The following PPP1R42 variants were observed in gnomAD, a reference collection of about 807,000 sequenced individuals.
PPP1R42 encodes the protein protein phosphatase 1 regulatory subunit 42, also known as leucine rich repeat containing 67.
Under a neutral mutation model 31.0 loss-of-function variants are expected in PPP1R42, and 34 were observed. That is an observed-to-expected ratio of 1.10 (90% CI 0.83 to 1.46). PPP1R42 has a LOEUF of 1.46. Ranked by LOEUF, PPP1R42 falls within the 40% of genes most tolerant of loss-of-function variation. The probability of loss-of-function intolerance (pLI) is 0.00; values close to 1 mark genes in which losing one functional copy is unlikely to be tolerated. For synonymous variants in PPP1R42, 103 were observed against 109.8 expected (o/e 0.94, Z 0.39); for missense variants, 268 against 303.0 (o/e 0.88, Z 0.86).
intron 2 of PPP1R42, among the ~76,000 whole-genome samples, chr8:67,017,179 A>G (rs759167805): frequency 1.3e-5 from 2 of 152,196 alleles, no homozygotes; most frequent in Non-Finnish European, 2.9e-5. Flanking sequence ...ACTGATAAAA[A>G]TAAGTTAAAT....
intron 6 of PPP1R42, chr8:66,984,929 G>C: frequency 4.6e-6 from 7 of 1,523,656 alleles, no homozygotes; most frequent in Non-Finnish European, 6.4e-6. Flanking sequence ...AAAGTAACTG[G>C]TGTGTCATTG....
chr8:66,964,324 A>T lies in PPP1R42; in HGVS notation c.813T>A (p.Leu271=). The T allele has an allele frequency of 7.9e-7, 1 of 1,273,110 alleles. No homozygotes were observed. The allele number at this position is 1,273,110 out of a possible 1,614,324, so 78.9% of individuals were successfully genotyped here. ...GTCAGCAAGCTTTCAGATTGCTTCA[A>T]AGAGAGATTCCTGTATTTATAGAGA... ...DASNSLIRIS[L] Residue 271 remains leucine (L), a synonymous_variant, in exon 8 of 8, where the codon CTT becomes CTA. Coordinates refer to ENST00000685739, the MANE Select transcript of PPP1R42 (RefSeq NM_001364910.1).
chr8:66,977,037 CTTT>C (rs758342244), intron 7 of PPP1R42, among the ~76,000 whole-genome samples: 3 of 132,848 alleles, frequency 2.3e-5, no homozygotes, highest in Non-Finnish European at 3.3e-5. Flanking sequence ...TTTTGTTTTG[CTTT>C]TTTTTTTTTT....
chr8:66,983,373 T>TA, intron 6 of PPP1R42, among the ~76,000 whole-genome samples: 1 of 152,266 alleles, frequency 6.6e-6, no homozygotes, highest in Non-Finnish European at 1.5e-5. Flanking sequence ...AACAATTCCC[T>TA]TATTATAGGA....
intron 1 of PPP1R42, 125 bp downstream of exon 1, chr8:67,028,366 A>G (rs534811130): frequency 5.7e-4 from 226 of 397,366 alleles, no homozygotes; most frequent in African/African-American, 4.8e-3. Context: ...CTGTATGTCT[A>G]AAGATAGGGC....
chr8:67,014,482 T>C lies in PPP1R42; in HGVS notation c.240A>G (p.Gln80=), dbSNP rs778681296. Reference sequence around the variant, plus strand: ...TCTCTATACATGAAATACAATTGTTTTGTAGGTACAAGTGGGTCAGATTTG... The same window carrying C: ...TCTCTATACATGAAATACAATTGTTCTGTAGGTACAAGTGGGTCAGATTTG... The part of the protein sequence containing the change: ...YATNLTHLYL[Q]NNCISCIENL... Residue 80 remains glutamine (Q), a synonymous_variant, in exon 3 of 8, where the codon CAA becomes CAG. Transcript: ENST00000685739. 9 of 1,593,204 alleles carry C rather than the reference T, an allele frequency of 5.6e-6. No homozygotes were observed. The highest frequency in any genetic ancestry group is 1.2e-5 in the South Asian group (1 of 86,796).
In PPP1R42 at chr8:66,988,532, G is replaced by T. The variant is rs1815096478; in HGVS notation, c.553-15C>A. On this transcript the variant is annotated splice_polypyrimidine_tract_variant and intron_variant, in intron 5 of 7. Coordinates refer to ENST00000685739, the MANE Select transcript of PPP1R42 (RefSeq NM_001364910.1). The stretch of plus-strand genomic sequence containing the variant: ...AACTCCAAATCCTATAATTAGAGAA[G>T]AAAAAGCAAAGCACAAGCATTTCAT... 4 of 1,589,104 alleles carry T rather than the reference G, an allele frequency of 2.5e-6. No individual in the cohort carries two copies. Among genetic ancestry groups the T allele is most frequent in the Non-Finnish European group, 3.4e-6 (4 of 1,171,016 alleles).
At chr8:67,011,079 T>G (rs751960975) in intron 4 of PPP1R42, among the ~76,000 whole-genome samples, 4 of 152,022 alleles carry the variant, frequency 2.6e-5, no homozygotes, top group African/African-American at 9.7e-5. Context: ...TATTTTTCTT[T>G]TCCAAGATAC....
In PPP1R42 at chr8:67,017,622, T is replaced by C. The variant is rs1053441106; in HGVS notation, c.126A>G (p.Ala42=). The C allele has an allele frequency of 1.6e-5, 23 of 1,458,494 alleles. No homozygotes were observed. The highest frequency in any genetic ancestry group is 2.1e-5 in the Non-Finnish European group (23 of 1,086,026). The allele number at this position is 1,458,494 out of a possible 1,614,324, so 90.3% of individuals were successfully genotyped here. The change falls in exon 2 of 8, where the codon GCA becomes GCG. Residue 42 remains alanine, a synonymous_variant. Transcript: ENST00000685739. Reference sequence around the variant, plus strand: ...GAAATAATTTCAAAGTTCTTACAATTGCATCTATATTTTTGTCTGAAAAAT... The same window carrying C: ...GAAATAATTTCAAAGTTCTTACAATCGCATCTATATTTTTGTCTGAAAAAT... ...HINFSDKNID[A]IEDLSLCKNL...
intron 6 of PPP1R42, chr8:66,985,931 A>G (rs546005416): frequency 1.5e-5 from 12 of 817,116 alleles, no homozygotes; most frequent in Non-Finnish European, 2.1e-5. Context: ...GGAGAGCTCA[A>G]GAGTCATCAC....
intron 6 of PPP1R42, chr8:66,984,876 T>C: frequency 1.3e-6 from 2 of 1,577,156 alleles, no homozygotes; most frequent in Non-Finnish European, 1.7e-6. Flanking sequence ...TCCTTGTCTG[T>C]CTCTGAAGTT....
chr8:66,975,019 T>TA (rs1814631414), intron 7 of PPP1R42, among the ~76,000 whole-genome samples: 1 of 152,328 alleles, frequency 6.6e-6, no homozygotes, highest in East Asian at 1.9e-4. Context: ...TCTATTTCTA[T>TA]AAAAAATGCA....
chr8:66,997,542 C>CTT (rs34949630), intron 5 of PPP1R42, among the ~76,000 whole-genome samples: 10 of 127,614 alleles, frequency 7.8e-5, no homozygotes, highest in South Asian at 2.5e-4. Context: ...CTGTGCCTGG[C>CTT]TTTTTTTTTT....
At position 67,013,101 on chromosome 8, in the gene PPP1R42, A is replaced by AAAAC; in HGVS notation, c.297-9_297-6dup. ...ATGTAATTGCCTCCCAGATACCTGC[A>AAAAC]AAACATAGACATAATTCTAAACAGA... is the stretch of plus-strand genomic sequence containing the variant. On this transcript the variant is annotated splice_polypyrimidine_tract_variant and splice_region_variant and intron_variant, in intron 3 of 7. Coordinates refer to ENST00000685739, the MANE Select transcript of PPP1R42 (RefSeq NM_001364910.1). 1 of 1,587,942 alleles carries AAAAC rather than the reference A, an allele frequency of 6.3e-7. No homozygotes were observed. The highest frequency in any genetic ancestry group is 8.5e-7 in the Non-Finnish European group (1 of 1,170,974).
At chr8:66,987,452 T>G (rs1335085902) in intron 6 of PPP1R42, among the ~76,000 whole-genome samples, 1 of 152,088 alleles carries the variant, frequency 6.6e-6, no homozygotes, top group East Asian at 1.9e-4. Context: ...CTGCCACCCC[T>G]GGCTATTCTT....
intron 6 of PPP1R42, among the ~76,000 whole-genome samples, chr8:66,987,583 C>A (rs902969023): frequency 6.6e-6 from 1 of 152,118 alleles, no homozygotes; most frequent in African/African-American, 2.4e-5. Context: ...TGAGCCACCG[C>A]GCCCGGCCTC....
intron 5 of PPP1R42, among the ~76,000 whole-genome samples, chr8:67,009,423 C>T (rs912699329): frequency 4.0e-5 from 6 of 151,780 alleles, no homozygotes; most frequent in African/African-American, 1.2e-4. Flanking sequence ...TAAAAATTAG[C>T]TGGGTGTGGT....
chr8:67,016,892 C>A (rs79664514), intron 2 of PPP1R42, among the ~76,000 whole-genome samples: 1 of 151,964 alleles, frequency 6.6e-6, no homozygotes, highest in Non-Finnish European at 1.5e-5. Context: ...TTTTGAAAAA[C>A]GGTACTCACA....
chr8:66,977,093 G>T (rs1814699086), intron 7 of PPP1R42, among the ~76,000 whole-genome samples: 1 of 146,638 alleles, frequency 6.8e-6, no homozygotes, highest in South Asian at 2.1e-4. Context: ...AAGTGTAGTT[G>T]TGTGATCTCA....
Sources: gnomAD v4.1 joint callset for allele counts (sites outside exome capture counted in the v4.1 genomes callset) on GRCh38, gnomAD v4.1.1 for gene constraint, MANE v1.5 for transcripts, NCBI Gene and HGNC (gene_info 2026-07-23, HGNC 2026-07-21) for gene names.